The following NRXN3 variants were observed in gnomAD, a reference collection of about 807,000 sequenced individuals.
NRXN3 encodes the protein neurexin 3.
NRXN3 carries 32 observed loss-of-function variants against 137.6 expected under a neutral mutation model. That is an observed-to-expected ratio of 0.23 (90% confidence interval 0.18 to 0.31). The LOEUF is 0.31. Ranked by LOEUF, NRXN3 falls within the 10% of genes least tolerant of loss-of-function variation. The pLI, the probability that NRXN3 is intolerant of heterozygous loss-of-function variation, is 1.00. For synonymous variants in NRXN3, 798 were observed against 784.5 expected, an observed-to-expected ratio of 1.02 and a Z score of -0.29; for missense variants, 1,574 against 2,062.5, an observed-to-expected ratio of 0.76 and a Z score of 4.59.
intron 10 of NRXN3, among the ~76,000 whole-genome samples, chr14:78,906,380 T>C (rs1342558792): frequency 6.6e-6 from 1 of 152,094 alleles, no homozygotes; most frequent in Non-Finnish European, 1.5e-5. Flanking sequence ...TTATTTCTTC[T>C]ACCCAGACTG....
chr14:79,548,760 A>AC (rs1567467051), intron 16 of NRXN3, among the ~76,000 whole-genome samples: 1 of 149,808 alleles, frequency 6.7e-6, no homozygotes, highest in African/African-American at 2.5e-5. Flanking sequence ...AAAAAAAAAA[A>AC]ACAAAAAAAA....
intron 19 of NRXN3, among the ~76,000 whole-genome samples, chr14:79,748,967 C>A: frequency 6.6e-6 from 1 of 151,784 alleles, no homozygotes; most frequent in East Asian, 1.9e-4. Context: ...CTGGTGCAAC[C>A]TGTCAGCTCC....
In NRXN3 at chr14:78,242,973, GTGTGCTTTC is replaced by G. The variant is rs1170887308; in HGVS notation, c.-117_-109del. ...TCTGTGTGTGTGCTGCCTTCCTCCT[GTGTGCTTTC>G]TGTCCCCCCATCTCTGTCTTGTCTT... On this transcript the variant is annotated 5_prime_UTR_variant, in exon 2 of 21. Coordinates refer to ENST00000335750, the MANE Select transcript of NRXN3 (RefSeq NM_001330195.2). The G allele has an allele frequency of 1.5e-6, 1 of 676,034 alleles. No individual in the cohort carries two copies. Among genetic ancestry groups the G allele is most frequent in the Admixed American group, 2.9e-5 (1 of 33,938 alleles). 41.9% of individuals were successfully genotyped at this position (676,034 alleles called of 1,614,324 possible). A position where few individuals can be genotyped will look rare whatever the true frequency, so the allele number is the denominator to read the frequency against.
At chr14:78,732,510 A>T (rs968668088) in intron 8 of NRXN3, among the ~76,000 whole-genome samples, 3 of 152,128 alleles carry the variant, frequency 2.0e-5, no homozygotes, top group Non-Finnish European at 2.9e-5. Flanking sequence ...CTTTTTCCAA[A>T]CACATAGGCT....
intron 10 of NRXN3, among the ~76,000 whole-genome samples, chr14:78,832,169 T>C (rs532589524): frequency 3.3e-4 from 50 of 152,182 alleles, no homozygotes; most frequent in African/African-American, 1.1e-3. Flanking sequence ...AAGAGCTTTG[T>C]CTCTTGAATC....
intron 15 of NRXN3, among the ~76,000 whole-genome samples, chr14:78,995,556 A>G (rs2099528289): frequency 6.6e-6 from 1 of 152,206 alleles, no homozygotes; most frequent in African/African-American, 2.4e-5. Context: ...AATTTTACAA[A>G]CATAAATTGA....
intron 10 of NRXN3, among the ~76,000 whole-genome samples, chr14:78,828,156 A>C (rs927184805): frequency 6.6e-6 from 1 of 152,166 alleles, no homozygotes; most frequent in South Asian, 2.1e-4. Flanking sequence ...CTTAGTTTAT[A>C]GTTCAATATT....
intron 10 of NRXN3, among the ~76,000 whole-genome samples, chr14:78,862,697 A>G (rs1180290359): frequency 6.6e-6 from 1 of 152,178 alleles, no homozygotes; most frequent in Non-Finnish European, 1.5e-5. Context: ...GGCTGAGTAT[A>G]CAAAAATAAA....
rs1409864478 is a variant in NRXN3, at chr14:78,926,917, TA to T, written c.2276-30324del. Among the ~76,000 whole-genome samples, 2 of 34,058 alleles carry T rather than the reference TA, an allele frequency of 5.9e-5. 1 individual carries two copies. The highest frequency in any genetic ancestry group is 5.2e-4 in the African/African-American group (2 of 3,882). The allele number at this position is 34,058 out of a possible 152,430, so 22.3% of individuals were successfully genotyped here. On this transcript the variant is annotated intron_variant, in intron 10 of 20. Transcript: ENST00000335750. Reference sequence around the variant, plus strand: ...ATATATATAATATATATAATATATATATAATATATAATATATTTATATATAT... The same window carrying T: ...ATATATATAATATATATAATATATATTAATATATAATATATTTATATATAT...
rs1458889892 is a variant in NRXN3, at chr14:79,862,045, A to T, written c.*81A>T. 1 of 1,207,508 alleles carries T rather than the reference A, an allele frequency of 8.3e-7. No homozygotes were observed. The highest frequency in any genetic ancestry group is 1.2e-6 in the Non-Finnish European group (1 of 861,016). 74.8% of individuals were successfully genotyped at this position (1,207,508 alleles called of 1,614,324 possible). A position where few individuals can be genotyped will look rare whatever the true frequency, so the allele number is the denominator to read the frequency against. On this transcript the variant is annotated 3_prime_UTR_variant, in exon 21 of 21. Coordinates refer to ENST00000335750, the MANE Select transcript of NRXN3 (RefSeq NM_001330195.2). ...GAATCTTTGGACGGTGAGATCTCAC[A>T]GATGTCAGAACTGCTGGAACTATGA...
At chr14:79,153,771 T>C (rs1350918461) in intron 15 of NRXN3, among the ~76,000 whole-genome samples, 1 of 151,996 alleles carries the variant, frequency 6.6e-6, no homozygotes, top group Non-Finnish European at 1.5e-5. Context: ...CCCCAACCCA[T>C]TCTCCTTAAT....
At chr14:79,371,255 T>A (rs2094100842) in intron 15 of NRXN3, among the ~76,000 whole-genome samples, 1 of 152,142 alleles carries the variant, frequency 6.6e-6, no homozygotes, top group Admixed American at 6.5e-5. Flanking sequence ...AAGGAATAAA[T>A]TACTAAAATA....
chr14:78,611,474 C>A (rs187024629), intron 4 of NRXN3, among the ~76,000 whole-genome samples: 1,814 of 151,332 alleles, frequency 0.012, 37 homozygotes, highest in African/African-American at 0.042. Flanking sequence ...TACCAGAAAG[C>A]ATACATATAT....
intron 4 of NRXN3, among the ~76,000 whole-genome samples, chr14:78,619,226 T>G (rs1233619996): frequency 6.6e-6 from 1 of 152,190 alleles, no homozygotes; most frequent in Non-Finnish European, 1.5e-5. Context: ...GCCTGTTACC[T>G]GTCACCTTTT....
At position 79,643,494 on chromosome 14, in the gene NRXN3, T is replaced by C. The variant is rs138893545; in HGVS notation, c.3445-20284T>C. ...AAATATATGTAAGATTTTGGGTTTTTTTTCTGGTCATTTTGCTCAATGACT... is the reference window on the plus strand; with the variant it reads ...AAATATATGTAAGATTTTGGGTTTTCTTTCTGGTCATTTTGCTCAATGACT... On this transcript the variant is annotated intron_variant, in intron 16 of 20. Coordinates refer to ENST00000335750, the MANE Select transcript of NRXN3 (RefSeq NM_001330195.2). 5.2e-5 allele frequency among the ~76,000 whole-genome samples: 7 copies of C among 135,648 alleles called. 1 individual carries two copies. The highest frequency in any genetic ancestry group is 1.2e-4 in the Non-Finnish European group (7 of 58,334). 89.0% of individuals were successfully genotyped at this position (135,648 alleles called of 152,430 possible).
intron 10 of NRXN3, among the ~76,000 whole-genome samples, chr14:78,950,405 A>G (rs2099384755): frequency 6.6e-6 from 1 of 152,152 alleles, no homozygotes; most frequent in Admixed American, 6.5e-5. Context: ...CTCCAGATTC[A>G]TTCCATTTCA....
At chr14:78,309,507 T>G (rs1293542303) in intron 4 of NRXN3, among the ~76,000 whole-genome samples, 2 of 151,904 alleles carry the variant, frequency 1.3e-5, no homozygotes, top group Non-Finnish European at 2.9e-5. Context: ...TTGGTGTCCA[T>G]GTGTACTCAA....
chr14:78,186,017 T>C (rs1391100362), intron 1 of NRXN3, among the ~76,000 whole-genome samples: 6 of 152,118 alleles, frequency 3.9e-5, no homozygotes, highest in African/African-American at 1.2e-4. Flanking sequence ...CCAGGGGTGG[T>C]AATGTCCCTG....
At chr14:78,782,370 A>G (rs576709946) in intron 8 of NRXN3, among the ~76,000 whole-genome samples, 17 of 152,324 alleles carry the variant, frequency 1.1e-4, no homozygotes, top group African/African-American at 3.9e-4. Flanking sequence ...GGGAAAAATT[A>G]ATTACTAAAA....
Sources: gnomAD v4.1 joint callset for allele counts (sites outside exome capture counted in the v4.1 genomes callset) on GRCh38, gnomAD v4.1.1 for gene constraint, MANE v1.5 for transcripts, NCBI Gene and HGNC (gene_info 2026-07-23, HGNC 2026-07-21) for gene names.